Variants in CPZ observed in about 807,000 individuals in gnomAD.
CPZ encodes the protein VEZT/CPZ fusion.
In CPZ, 103 loss-of-function variants were observed where a neutral mutation model predicts 61.8. The observed-to-expected ratio is 1.67, with a 90% CI of 1.42 to 1.96. The LOEUF (loss-of-function observed/expected upper bound fraction) is 1.96. Ranked by LOEUF, CPZ falls within the 30% of genes most tolerant of loss-of-function variation. The pLI is 0.00. For synonymous variants in CPZ, 551 were observed against 373.7 expected (o/e 1.47, Z -5.47); for missense variants, 1,461 against 914.9 (o/e 1.60, Z -7.70).
chr4:8,603,367 C>T (rs1002776331), intron 3 of CPZ: 1 of 152,318 alleles, frequency 6.6e-6, no homozygotes, highest in African/African-American at 2.4e-5. Flanking sequence ...ATTCTAGTTC[C>T]AGAACCCCTC....
chr4:8,595,905 C>T (rs1316223541), intron 1 of CPZ, among the ~76,000 whole-genome samples: 1 of 152,190 alleles, frequency 6.6e-6, no homozygotes, highest in African/African-American at 2.4e-5. Context: ...GAGGCAGGGA[C>T]TGGAGTGCTC....
Position 8,592,863 on chromosome 4 carries a change from T to C in CPZ, c.30T>C (p.Leu10=). MPPPLPLLL[L]TVLVVAAARP... ...CGCCCCCGCTGCCGCTGCTGCTCCTTACAGTCCTGGTCGTCGCCGCTGCCC... is the reference window on the plus strand; with the variant it reads ...CGCCCCCGCTGCCGCTGCTGCTCCTCACAGTCCTGGTCGTCGCCGCTGCCC... Residue 10 remains leucine, a synonymous_variant, in exon 1 of 11, where the codon CTT becomes CTC. Transcript: ENST00000360986. 3.9e-6 allele frequency: 6 copies of C among 1,528,696 alleles called. No individual in the cohort carries two copies. The highest frequency in any genetic ancestry group is 1.8e-4 in the Middle Eastern group (1 of 5,410). 94.7% of individuals were successfully genotyped at this position (1,528,696 alleles called of 1,614,324 possible).
chr4:8,597,942 G>A (rs1370589696), intron 1 of CPZ, among the ~76,000 whole-genome samples: 1 of 152,194 alleles, frequency 6.6e-6, no homozygotes, highest in African/African-American at 2.4e-5. Context: ...ACCTGGGCCC[G>A]GTGGTCTGGG....
intron 8 of CPZ, 81 bp downstream of exon 8, chr4:8,612,243 C>T (rs924248480): frequency 1.9e-5 from 20 of 1,072,606 alleles, no homozygotes; most frequent in Admixed American, 1.6e-4. Flanking sequence ...CGTAACTCCA[C>T]GGTCTGCTGC....
At position 8,619,693 on chromosome 4, in the gene CPZ, G is replaced by A. The variant is rs61482103; in HGVS notation, c.*76G>A. ...TCCCGGGCTCCTGGCTCTTGATTTT[G>A]TCTGCCACAGACATCCCACAAAGCC... On this transcript the variant is annotated 3_prime_UTR_variant, in exon 11 of 11. Transcript: ENST00000360986. 2.6e-6 allele frequency: 3 copies of A among 1,154,786 alleles called. No individual in the cohort carries two copies. In the African/African-American group the frequency reaches 4.7e-5, roughly 18 times the overall value. 71.5% of individuals were successfully genotyped at this position (1,154,786 alleles called of 1,614,324 possible).
At position 8,618,547 on chromosome 4, in the gene CPZ, G is replaced by T. The variant is rs577106046; in HGVS notation, c.1603+19G>T. The stretch of plus-strand genomic sequence containing the variant: ...ACCACAGGTGAGCACGTCCCTGGCT[G>T]TCCCCTGGGGACCACGTCTGCCAAG... On this transcript the variant is annotated intron_variant, in intron 10 of 10. Coordinates refer to ENST00000360986, the MANE Select transcript of CPZ (RefSeq NM_001014447.3). 3.2e-5 allele frequency: 52 copies of T among 1,607,450 alleles called. No homozygotes were observed. In the South Asian group the frequency reaches 5.3e-4, roughly 16 times the overall value.
At chr4:8,617,196 G>A (rs961952889) in intron 9 of CPZ, among the ~76,000 whole-genome samples, 1 of 152,182 alleles carries the variant, frequency 6.6e-6, no homozygotes, top group African/African-American at 2.4e-5. Flanking sequence ...GGTGGGATTA[G>A]AGTTCACATG....
At chr4:8,605,582 TCCAGCCAG>T (rs1425207433) in intron 4 of CPZ, among the ~76,000 whole-genome samples, 5 of 142,784 alleles carry the variant, frequency 3.5e-5, no homozygotes, top group African/African-American at 1.3e-4. Context: ...CATCCAGCCA[TCCAGCCAG>T]CCATTATTCA....
rs1715117971 is a variant in CPZ, at chr4:8,607,309, A to C, written c.1111A>C (p.Ile371Leu). Residue 371 changes from isoleucine to leucine, a missense_variant, in exon 7 of 11, where the codon ATA becomes CTA. Ile to Leu is a conservative substitution (Grantham distance 5). Transcript: ENST00000360986. ...GGCAATCATGAAGTGGATGCAGACC[A>C]TACCCTTTGTGCTCTCAGCCAGCCT... ...TKAIMKWMQT[I>L]PFVLSASLHG... 8 of 1,613,994 alleles carry C rather than the reference A, an allele frequency of 5.0e-6. No individual in the cohort carries two copies. The highest frequency in any genetic ancestry group is 1.7e-5 in the Admixed American group (1 of 59,992).
chr4:8,612,353 G>T (rs1245410935), intron 8 of CPZ, among the ~76,000 whole-genome samples, 191 bp downstream of exon 8: 1 of 97,500 alleles, frequency 1.0e-5, no homozygotes, highest in African/African-American at 5.0e-5. Flanking sequence ...AAGCTGTCGT[G>T]TGACTGTTGT....
chr4:8,595,198 C>T (rs574589253), intron 1 of CPZ, among the ~76,000 whole-genome samples: 13 of 152,346 alleles, frequency 8.5e-5, no homozygotes, highest in African/African-American at 2.4e-4. Context: ...TTTCACACAT[C>T]GCACACATTG....
At chr4:8,609,225 C>CATTGACTT (rs1553877692) in intron 7 of CPZ, among the ~76,000 whole-genome samples, 2 of 52,712 alleles carry the variant, frequency 3.8e-5, no homozygotes, top group African/African-American at 1.0e-4. Context: ...TTCACTTACT[C>CATTGACTT]ACTCATTGTC....
Position 8,605,922 on chromosome 4 carries a change from G to A in CPZ, c.710-67G>A, listed in dbSNP as rs111373464. On this transcript the variant is annotated intron_variant, in intron 4 of 10. Transcript: ENST00000360986. ...CATCTGGTCATTCTTGCTGAGTGGG[G>A]GGGCCTCATGCCTTTGGGGACCCCC... The A allele has an allele frequency of 4.8e-3, 7,150 of 1,503,278 alleles. 122 individuals carry two copies. Among genetic ancestry groups the A allele is most frequent in the South Asian group, 0.039 (3,245 of 82,322 alleles). The allele number at this position is 1,503,278 out of a possible 1,614,324, so 93.1% of individuals were successfully genotyped here.
rs1413930528 is a variant in CPZ at position 8,618,430 on chromosome 4, T to C, written c.1505T>C (p.Val502Ala). ...KESLLNFVET[V>A]HRGIKGVVTD... is the part of the protein sequence containing the mutation. Reference sequence around the variant, plus strand: ...CTGGCCTCCCCTTGGTCTCTTCAGGTGCACCGGGGCATCAAAGGTGTGGTG... The same window carrying C: ...CTGGCCTCCCCTTGGTCTCTTCAGGCGCACCGGGGCATCAAAGGTGTGGTG... The change falls in exon 10 of 11, where the codon GTG becomes GCG. Residue 502 changes from valine (V) to alanine (A), a missense_variant and splice_region_variant. Val to Ala is a moderately conservative substitution (Grantham distance 64, BLOSUM62 0). Coordinates refer to ENST00000360986, the MANE Select transcript of CPZ (RefSeq NM_001014447.3). 1 of 1,613,976 alleles carries C rather than the reference T, an allele frequency of 6.2e-7. No individual in the cohort carries two copies. Among genetic ancestry groups the C allele is most frequent in the South Asian group, 1.1e-5 (1 of 91,076 alleles).
chr4:8,618,329 G>A (rs893783753), intron 9 of CPZ, 100 bp from the exon 10 acceptor site: 31 of 1,150,472 alleles, frequency 2.7e-5, no homozygotes, highest in African/African-American at 3.0e-5. Flanking sequence ...GTTCCCCCTA[G>A]ATACCAAGCT....
At chr4:8,596,080 G>C (rs548960677) in intron 1 of CPZ, among the ~76,000 whole-genome samples, 27 of 150,814 alleles carry the variant, frequency 1.8e-4, no homozygotes, top group African/African-American at 6.6e-4. Flanking sequence ...TCAAGATAGA[G>C]TCTCTCTGTC....
At chr4:8,609,382 C>T (rs1474609280) in intron 7 of CPZ, among the ~76,000 whole-genome samples, 1 of 148,894 alleles carries the variant, frequency 6.7e-6, no homozygotes, top group Non-Finnish European at 1.5e-5. Flanking sequence ...TTCACTCACT[C>T]TTATTCTTTC....
intron 8 of CPZ, among the ~76,000 whole-genome samples, 192 bp downstream of exon 8, chr4:8,612,354 T>G (rs1469507993): frequency 1.0e-5 from 1 of 97,076 alleles, no homozygotes; most frequent in African/African-American, 5.1e-5. Context: ...AGCTGTCGTG[T>G]GACTGTTGTG....
intron 9 of CPZ, among the ~76,000 whole-genome samples, chr4:8,614,776 G>A (rs1035629607): frequency 6.6e-6 from 1 of 152,148 alleles, no homozygotes; most frequent in Non-Finnish European, 1.5e-5. Flanking sequence ...TTAAACAAGG[G>A]AGCATGGGCC....
Sources: allele counts gnomAD v4.1 joint callset (sites outside exome capture counted in the v4.1 genomes callset), GRCh38; gene constraint gnomAD v4.1.1; transcripts MANE v1.5; gene names NCBI Gene and HGNC (gene_info 2026-07-23, HGNC 2026-07-21).